RSAD2: variants seen among roughly 807,000 people sequenced by gnomAD.
The protein encoded by RSAD2 is S-adenosylmethionine-dependent nucleotide dehydratase RSAD2.
RSAD2 carries 38 observed loss-of-function variants against 37.7 expected under a neutral mutation model. The ratio of observed to expected loss-of-function variants is 1.01; its 90% CI spans 0.78 to 1.32. The LOEUF (loss-of-function observed/expected upper bound fraction) is 1.32, where lower values mean the gene tolerates loss of function less well. Ranked by LOEUF, RSAD2 falls within the 40% of genes most tolerant of loss-of-function variation. The probability of loss-of-function intolerance (pLI) is 0.00; values close to 1 mark genes in which losing one functional copy is unlikely to be tolerated. For synonymous variants in RSAD2, 163 were observed against 157.4 expected, an observed-to-expected ratio of 1.04 and a Z score of -0.27; for missense variants, 428 against 437.5, an observed-to-expected ratio of 0.98 and a Z score of 0.19.
chr2:6,877,998 T>G lies in RSAD2; in HGVS notation c.198T>G (p.Pro66=). 1 of 1,614,126 alleles carries G rather than the reference T, an allele frequency of 6.2e-7. No individual in the cohort carries two copies. The highest frequency in any genetic ancestry group is 8.5e-7 in the Non-Finnish European group (1 of 1,180,018). The stretch of plus-strand genomic sequence containing the variant: ...AGACCAAAGAGGAGGAAGAGGACCC[T>G]CCTCTGCCCACCACCCCAACCAGCG... The part of the protein sequence containing the change: ...PDETKEEEED[P]PLPTTPTSVN... Residue 66 remains proline (P), a synonymous_variant, in exon 1 of 6, where the codon CCT becomes CCG. Transcript: ENST00000382040.
intron 1 of RSAD2, among the ~76,000 whole-genome samples, chr2:6,870,214 C>T (rs1051237222): frequency 6.6e-6 from 1 of 152,158 alleles, no homozygotes; most frequent in Non-Finnish European, 1.5e-5. Flanking sequence ...TTTCGGAGAA[C>T]TTTTGTTCAC....
intron 2 of RSAD2, among the ~76,000 whole-genome samples, 157 bp from the exon 3 acceptor site, chr2:6,886,777 GA>G (rs1663530407): frequency 6.6e-6 from 1 of 152,186 alleles, no homozygotes; most frequent in African/African-American, 2.4e-5. Flanking sequence ...TTTGACACAA[GA>G]AGAAAGTAAA....
intron 4 of RSAD2, among the ~76,000 whole-genome samples, chr2:6,891,282 A>T (rs996957095): frequency 4.6e-5 from 7 of 152,202 alleles, no homozygotes; most frequent in Non-Finnish European, 1.0e-4. Flanking sequence ...TGAAGCATAA[A>T]GTTGCAGTAA....
At chr2:6,873,296 C>G (rs578175365), upstream of RSAD2, among the ~76,000 whole-genome samples, 47 of 152,292 alleles carry the variant, frequency 3.1e-4, no homozygotes, top group African/African-American at 1.1e-3. Context: ...CCAAGGATTT[C>G]CATGTTCAAC....
rs767779830 is a variant in RSAD2 at position 6,883,357 on chromosome 2, A to G, written c.347-14A>G. On this transcript the variant is annotated splice_polypyrimidine_tract_variant and intron_variant, in intron 1 of 5. Coordinates refer to ENST00000382040, the MANE Select transcript of RSAD2 (RefSeq NM_080657.5). Reference sequence around the variant, plus strand: ...ATTTGTGAAGTGGTAAAATTCATGTATCACCTTGCACAGGTATGGAGAAGA... The same window carrying G: ...ATTTGTGAAGTGGTAAAATTCATGTGTCACCTTGCACAGGTATGGAGAAGA... 1.2e-6 allele frequency: 2 copies of G among 1,611,692 alleles called. No individual in the cohort carries two copies. The highest frequency in any genetic ancestry group is 1.7e-6 in the Non-Finnish European group (2 of 1,178,454).
intron 3 of RSAD2, among the ~76,000 whole-genome samples, chr2:6,887,789 A>G (rs1255172368): frequency 1.3e-5 from 2 of 152,226 alleles, no homozygotes; most frequent in Non-Finnish European, 2.9e-5. Context: ...CTTGGGCCTC[A>G]TATCTGCTGC....
At chr2:6,886,074 T>C (rs896885774) in intron 2 of RSAD2, among the ~76,000 whole-genome samples, 1 of 152,176 alleles carries the variant, frequency 6.6e-6, no homozygotes, top group Non-Finnish European at 1.5e-5. Context: ...AATTTGAAAG[T>C]AATTTTAAGA....
chr2:6,879,942 A>G (rs1162391310), intron 1 of RSAD2, among the ~76,000 whole-genome samples: 2 of 152,212 alleles, frequency 1.3e-5, no homozygotes, highest in East Asian at 1.9e-4. Context: ...TATCAGTTCC[A>G]TGATCTTTAA....
intron 3 of RSAD2, 33 bp from the exon 4 acceptor site, chr2:6,890,143 C>T (rs769579949): frequency 2.5e-6 from 4 of 1,607,496 alleles, no homozygotes; most frequent in Non-Finnish European, 3.4e-6. Context: ...ATGGAAAGCT[C>T]TCTGCAAAGC....
At position 6,891,202 on chromosome 2, in the gene RSAD2, AAC is replaced by A. The variant is rs1216241758; in HGVS notation, c.888+879_888+880del. On this transcript the variant is annotated intron_variant, in intron 4 of 5. Coordinates refer to ENST00000382040, the MANE Select transcript of RSAD2 (RefSeq NM_080657.5). ...ATAAATAGATAATTTACAGAAAAAA[AAC>A]AAATGGTGAATAAACATTTTAAGAG... is the stretch of plus-strand genomic sequence containing the variant. 1.9e-3 allele frequency among the ~76,000 whole-genome samples: 283 copies of A among 152,278 alleles called. 2 individuals carry two copies. Among genetic ancestry groups the A allele is most frequent in the African/African-American group, 6.5e-3 (272 of 41,572 alleles).
At chr2:6,881,989 T>C (rs1558335111) in intron 1 of RSAD2, among the ~76,000 whole-genome samples, 1 of 152,206 alleles carries the variant, frequency 6.6e-6, no homozygotes, top group Non-Finnish European at 1.5e-5. Context: ...GGCAGGCAGG[T>C]ATGTAACACA....
intron 1 of RSAD2, among the ~76,000 whole-genome samples, chr2:6,879,662 C>T (rs1663362512): frequency 6.6e-6 from 1 of 151,524 alleles, no homozygotes; most frequent in African/African-American, 2.4e-5. Context: ...TTAAAATGTA[C>T]TATTTTGTTC....
chr2:6,896,151 A>T lies in RSAD2; in HGVS notation c.*209A>T. 4.0e-6 allele frequency: 2 copies of T among 501,104 alleles called. No homozygotes were observed. The highest frequency in any genetic ancestry group is 3.5e-6 in the Non-Finnish European group (1 of 282,458). 31.0% of individuals were successfully genotyped at this position (501,104 alleles called of 1,614,324 possible). A position where few individuals can be genotyped will look rare whatever the true frequency, so the allele number is the denominator to read the frequency against. The stretch of plus-strand genomic sequence containing the variant: ...AATGGAAAACCATTAACTTTACTTC[A>T]TTGGCTTATAACCTTGTTGTTATTG... On this transcript the variant is annotated 3_prime_UTR_variant, in exon 6 of 6. Transcript: ENST00000382040.
Position 6,890,195 on chromosome 2 carries a change from T to C in RSAD2, c.758T>C (p.Ile253Thr). 1 of 1,614,088 alleles carries C rather than the reference T, an allele frequency of 6.2e-7. No homozygotes were observed. The highest frequency in any genetic ancestry group is 8.5e-7 in the Non-Finnish European group (1 of 1,179,990). The change falls in exon 4 of 6, where the codon ATT becomes ACT. Residue 253 changes from isoleucine to threonine, a missense_variant. Transcript: ENST00000382040. ...VRWKVFQCLLIEGENCGEDAL... is the reference protein window; with the variant it reads ...VRWKVFQCLLTEGENCGEDAL... ...TTTCAGGTGTTCCAGTGCCTCTTAA[T>C]TGAGGGTGAGAATTGTGGAGAAGAT...
Position 6,883,522 on chromosome 2 carries a change from C to T in RSAD2, c.498C>T (p.Phe166=), listed in dbSNP as rs759426838. The T allele has an allele frequency of 6.4e-5, 103 of 1,614,102 alleles. No individual in the cohort carries two copies. Among genetic ancestry groups the T allele is most frequent in the Non-Finnish European group, 8.6e-5 (102 of 1,180,010 alleles). The change falls in exon 2 of 6, where the codon TTC becomes TTT. Residue 166 remains phenylalanine (F), a synonymous_variant. Coordinates refer to ENST00000382040, the MANE Select transcript of RSAD2 (RefSeq NM_080657.5). ...GAAGCCTGATCCGGGAGAGGTGGTT[C>T]CAGAATTATGGTGTGCTCCATGGGA... ...SNGSLIRERW[F]QNYGEYLDIL... is the part of the protein sequence containing the mutation.
intron 2 of RSAD2, among the ~76,000 whole-genome samples, chr2:6,884,303 G>A (rs1480398620): frequency 6.6e-6 from 1 of 152,158 alleles, no homozygotes; most frequent in African/African-American, 2.4e-5. Flanking sequence ...GATGTGGGTT[G>A]GAGGGTCCAT....
At chr2:6,886,824 A>G (rs1663530987) in intron 2 of RSAD2, 111 bp from the exon 3 acceptor site, 1 of 749,440 alleles carries the variant, frequency 1.3e-6, no homozygotes, top group Non-Finnish European at 2.2e-6. Flanking sequence ...GTATAAGGAA[A>G]AGTGTCTTTT....
intron 5 of RSAD2, among the ~76,000 whole-genome samples, chr2:6,894,072 G>A (rs1365704303): frequency 6.6e-6 from 1 of 152,190 alleles, no homozygotes; most frequent in East Asian, 1.9e-4. Context: ...AGGGCATCCA[G>A]CCTACTTTGA....
At chr2:6,876,255 G>C (rs562472377), upstream of RSAD2, among the ~76,000 whole-genome samples, 2 of 152,128 alleles carry the variant, frequency 1.3e-5, no homozygotes, top group African/African-American at 2.4e-5. Flanking sequence ...CTGCAGTAGG[G>C]TTCCTTCTGC....
Sources: allele counts gnomAD v4.1 joint callset (sites outside exome capture counted in the v4.1 genomes callset), GRCh38; gene constraint gnomAD v4.1.1; transcripts MANE v1.5; gene names NCBI Gene and HGNC (gene_info 2026-07-23, HGNC 2026-07-21).